Variants in CSMD3 observed in about 807,000 individuals in gnomAD.
CSMD3 encodes the protein CUB and sushi domain-containing protein 3.
In CSMD3, 177 loss-of-function variants were observed where a neutral mutation model predicts 435.2. The ratio of observed to expected loss-of-function variants is 0.41; its 90% CI spans 0.36 to 0.46. The LOEUF (loss-of-function observed/expected upper bound fraction) is 0.46. CSMD3 is among the 20% of genes least tolerant of loss of function. CSMD3 has a pLI of 0.34. For missense variants in CSMD3, 4,265 were observed against 4,504.6 expected, an observed-to-expected ratio of 0.95 and a Z score of 1.52; for synonymous variants, 1,656 against 1,520.5, an observed-to-expected ratio of 1.09 and a Z score of -2.07.
chr8:112,716,595 C>A (rs1724096793), intron 13 of CSMD3, among the ~76,000 whole-genome samples: 1 of 152,034 alleles, frequency 6.6e-6, no homozygotes, highest in South Asian at 2.1e-4. Flanking sequence ...CATGTGGAAC[C>A]AATGAAGAGC....
chr8:112,963,687 T>C (rs1431250242), intron 7 of CSMD3, among the ~76,000 whole-genome samples: 1 of 151,934 alleles, frequency 6.6e-6, no homozygotes, highest in Non-Finnish European at 1.5e-5. Context: ...GTTGGCTGTA[T>C]TGAAATTGAA....
At chr8:112,857,524 G>T (rs1479753190) in intron 11 of CSMD3, among the ~76,000 whole-genome samples, 2 of 151,674 alleles carry the variant, frequency 1.3e-5, no homozygotes, top group Non-Finnish European at 3.0e-5. Context: ...TTAATTAAAT[G>T]TGTTTATTCC....
chr8:112,295,521 A>G (rs1363124552), intron 54 of CSMD3, among the ~76,000 whole-genome samples: 2 of 151,834 alleles, frequency 1.3e-5, no homozygotes, highest in Non-Finnish European at 2.9e-5. Context: ...AGAAATTTAA[A>G]CCCTTATAAT....
At chr8:112,262,827 C>T (rs965096056) in intron 61 of CSMD3, among the ~76,000 whole-genome samples, 2 of 151,988 alleles carry the variant, frequency 1.3e-5, no homozygotes, top group Admixed American at 1.3e-4. Context: ...GTCCTATGAG[C>T]ATGTAGGGGA....
rs1378225911 is a variant in CSMD3 at position 113,042,568 on chromosome 8, C to T, written c.918-23389G>A. Among the ~76,000 whole-genome samples, 4 of 152,206 alleles carry T rather than the reference C, an allele frequency of 2.6e-5. No individual in the cohort carries two copies. In the South Asian group the frequency reaches 6.2e-4, roughly 24 times the overall value. On this transcript the variant is annotated intron_variant, in intron 5 of 70. Transcript: ENST00000297405. ...TATCTTATGCTCAGTTTCTTGATGT[C>T]TCTTCTCAATTTTAAGTATTATTTA...
chr8:113,274,402 G>A (rs1051360855), intron 3 of CSMD3, among the ~76,000 whole-genome samples: 4 of 152,116 alleles, frequency 2.6e-5, no homozygotes, highest in African/African-American at 9.6e-5. Flanking sequence ...GAACTGGTTC[G>A]TGGACCAGTG....
intron 1 of CSMD3, among the ~76,000 whole-genome samples, chr8:113,423,229 T>C (rs2094617972): frequency 1.3e-5 from 2 of 152,070 alleles, no homozygotes; most frequent in South Asian, 2.1e-4. Context: ...GTATTTTGAA[T>C]TTCAAATTTT....
chr8:113,047,624 A>C (rs1395525335), intron 5 of CSMD3, among the ~76,000 whole-genome samples: 2 of 152,248 alleles, frequency 1.3e-5, no homozygotes, highest in African/African-American at 4.8e-5. Context: ...TACAAAAAGA[A>C]AGATGCAAGT....
chr8:112,395,136 T>A (rs1317659530), intron 35 of CSMD3, among the ~76,000 whole-genome samples: 1 of 152,182 alleles, frequency 6.6e-6, no homozygotes, highest in Admixed American at 6.5e-5. Context: ...TCCTGTTTTT[T>A]AAAAGATATA....
intron 5 of CSMD3, among the ~76,000 whole-genome samples, chr8:113,034,295 C>G (rs1465447867): frequency 6.6e-6 from 1 of 150,480 alleles, no homozygotes; most frequent in Non-Finnish European, 1.5e-5. Context: ...CTGGAAACAG[C>G]CCAATTGTTC....
At position 112,224,879 on chromosome 8, in the gene CSMD3, ATTG is replaced by A. The variant is rs1301778766; in HGVS notation, c.11013_11015del (p.Asn3672del). The A allele has an allele frequency of 2.5e-6, 4 of 1,614,030 alleles. No individual in the cohort carries two copies. Among genetic ancestry groups the A allele is most frequent in the Non-Finnish European group, 3.4e-6 (4 of 1,179,930 alleles). On this transcript the variant is annotated inframe_deletion, in exon 71 of 71. Transcript: ENST00000297405. ...TGGGATTTTCAAAAGCTGCTTGGCC[ATTG>A]TTATTTTCATGAACTGAACATCCTG...
At chr8:112,699,957 CGT>C (rs138809387) in intron 13 of CSMD3, among the ~76,000 whole-genome samples, 2 of 151,440 alleles carry the variant, frequency 1.3e-5, no homozygotes, top group South Asian at 2.1e-4. Context: ...AAAACATACA[CGT>C]GTGTGTGTGT....
In CSMD3 at chr8:112,405,211, CCCCATAT is replaced by C. The variant is rs1405008046; in HGVS notation, c.5809+1306_5809+1312del. On this transcript the variant is annotated intron_variant, in intron 35 of 70. Coordinates refer to ENST00000297405, the MANE Select transcript of CSMD3 (RefSeq NM_198123.2). The stretch of plus-strand genomic sequence containing the variant: ...AAAAAAAAAAAAAAAAAAAAAAAAC[CCCCATAT>C]ATATATATATATATATATATATATA... 5.5e-4 allele frequency among the ~76,000 whole-genome samples: 10 copies of C among 18,110 alleles called. 1 individual carries two copies. The highest frequency in any genetic ancestry group is 3.0e-3 in the African/African-American group (9 of 3,040). The allele number at this position is 18,110 out of a possible 152,430, so 11.9% of individuals were successfully genotyped here. A position where few individuals can be genotyped will look rare whatever the true frequency, so the allele number is the denominator to read the frequency against.
chr8:113,284,042 C>T (rs1669331001), intron 2 of CSMD3, among the ~76,000 whole-genome samples: 1 of 151,928 alleles, frequency 6.6e-6, no homozygotes, highest in Admixed American at 6.6e-5. Context: ...GCTGTGGGGA[C>T]CAAAAGGCTT....
At chr8:112,234,228 CTAAA>C (rs1353948831) in intron 68 of CSMD3, 133 bp downstream of exon 68, 2 of 549,850 alleles carry the variant, frequency 3.6e-6, no homozygotes, top group Non-Finnish European at 6.3e-6. Context: ...CTTTAGAATA[CTAAA>C]TATTTATATT....
At chr8:112,907,955 T>C (rs2082307213) in intron 10 of CSMD3, among the ~76,000 whole-genome samples, 1 of 151,394 alleles carries the variant, frequency 6.6e-6, no homozygotes, top group Non-Finnish European at 1.5e-5. Context: ...TCATTCAAAA[T>C]TTTCAGCTAG....
In CSMD3 at chr8:113,045,234, C is replaced by A. The variant is rs989635885; in HGVS notation, c.918-26055G>T. Among the ~76,000 whole-genome samples, 3 of 149,210 alleles carry A rather than the reference C, an allele frequency of 2.0e-5. 1 individual carries two copies. The highest frequency in any genetic ancestry group is 4.5e-5 in the Non-Finnish European group (3 of 66,268). On this transcript the variant is annotated intron_variant, in intron 5 of 70. Coordinates refer to ENST00000297405, the MANE Select transcript of CSMD3 (RefSeq NM_198123.2). ...TATGATACCAAGAACAATCGCCTTG[C>A]AATGCTTTTTTGAATGCCCTACTAG...
At chr8:112,269,935 C>G (rs2130459686) in intron 59 of CSMD3, among the ~76,000 whole-genome samples, 1 of 152,256 alleles carries the variant, frequency 6.6e-6, no homozygotes, top group Admixed American at 6.5e-5. Flanking sequence ...ATATTTTACC[C>G]ACCCAGGAGG....
chr8:113,171,525 A>T (rs72685901), intron 4 of CSMD3, among the ~76,000 whole-genome samples: 14,598 of 96,260 alleles, frequency 0.15, 910 homozygotes, highest in Middle Eastern at 0.24. Flanking sequence ...TATGTCTCTG[A>T]TTTAGGGAGT....
Sources: allele counts gnomAD v4.1 joint callset (sites outside exome capture counted in the v4.1 genomes callset), GRCh38; gene constraint gnomAD v4.1.1; transcripts MANE v1.5; gene names NCBI Gene and HGNC (gene_info 2026-07-23, HGNC 2026-07-21).